ABCA12: variants seen among roughly 807,000 people sequenced by gnomAD.
ABCA12 encodes ATP binding cassette subfamily A member 12, also known as glucosylceramide transporter ABCA12.
In ABCA12, 156 loss-of-function variants were observed where a neutral mutation model predicts 293.5. The ratio of observed to expected loss-of-function variants is 0.53; its 90% CI spans 0.47 to 0.61. The LOEUF is 0.61. ABCA12 is among the 20% of genes least tolerant of loss of function. ABCA12 has a pLI of 0.00. For missense variants in ABCA12, 2,797 were observed against 3,090.2 expected (o/e 0.91, Z 2.25); for synonymous variants, 1,063 against 1,108.0 (o/e 0.96, Z 0.81).
intron 38 of ABCA12, among the ~76,000 whole-genome samples, chr2:214,967,633 G>A (rs778579499): frequency 1.2e-4 from 19 of 152,006 alleles, no homozygotes; most frequent in Non-Finnish European, 1.5e-4. Context: ...AGAGAAGAGA[G>A]GAAGAAAGAA....
At position 215,049,784 on chromosome 2, in the gene ABCA12, C is replaced by A; in HGVS notation, c.535G>T (p.Asp179Tyr). 1.2e-6 allele frequency: 2 copies of A among 1,613,258 alleles called. No individual in the cohort carries two copies. The highest frequency in any genetic ancestry group is 1.7e-6 in the Non-Finnish European group (2 of 1,179,640). Reference sequence around the variant, plus strand: ...CTGTCACATAGTTCTCTTCGTATATCTTCTGAAGTTGAATTTTGCTTTAAC... The same window carrying A: ...CTGTCACATAGTTCTCTTCGTATATATTCTGAAGTTGAATTTTGCTTTAAC... ...KLLKQNSTSEDIRRELCDSYS... is the reference protein window; with the variant it reads ...KLLKQNSTSEYIRRELCDSYS... The change falls in exon 6 of 53, where the codon GAT becomes TAT. Residue 179 changes from aspartate to tyrosine, a missense_variant. Physicochemically the swap from Asp to Tyr is radical, Grantham distance 160. Around this residue, in one of 3 missense-constraint regions of ABCA12, gnomAD observed 656 missense variants for 638.2 expected, o/e 1.03. Coordinates refer to ENST00000272895, the MANE Select transcript of ABCA12 (RefSeq NM_173076.3).
intron 2 of ABCA12, among the ~76,000 whole-genome samples, chr2:215,095,056 A>G (rs79809367): frequency 0.055 from 8,358 of 152,074 alleles, 733 homozygotes; most frequent in African/African-American, 0.19. Context: ...TGTCCCCCTC[A>G]TGACAGCAAC....
chr2:215,126,690 T>C (rs554466916), intron 1 of ABCA12, among the ~76,000 whole-genome samples: 1 of 152,168 alleles, frequency 6.6e-6, no homozygotes, highest in Non-Finnish European at 1.5e-5. Flanking sequence ...ATTTTCTCTC[T>C]TCTTTTCTTG....
intron 2 of ABCA12, among the ~76,000 whole-genome samples, chr2:215,091,841 C>T (rs191881389): frequency 6.5e-4 from 99 of 152,338 alleles, no homozygotes; most frequent in South Asian, 4.6e-3. Flanking sequence ...TCCTCCAGGA[C>T]GTCCTCCCCC....
chr2:215,073,999 C>G (rs147940405), intron 2 of ABCA12, among the ~76,000 whole-genome samples: 1 of 152,302 alleles, frequency 6.6e-6, no homozygotes, highest in East Asian at 1.9e-4. Flanking sequence ...CAGTAAAAAA[C>G]CTGAATAACT....
chr2:215,035,396 G>T (rs181387954), intron 8 of ABCA12, among the ~76,000 whole-genome samples: 1 of 152,038 alleles, frequency 6.6e-6, no homozygotes, highest in Non-Finnish European at 1.5e-5. Flanking sequence ...AAAGCCAGAC[G>T]TGGTGGCTCA....
intron 48 of ABCA12, among the ~76,000 whole-genome samples, chr2:214,947,002 G>A (rs1698601203): frequency 6.6e-6 from 1 of 152,040 alleles, no homozygotes; most frequent in South Asian, 2.1e-4. Flanking sequence ...CCTAAAATGT[G>A]TCTGTCCTCC....
chr2:215,013,378 G>A (rs1201387217), intron 15 of ABCA12, among the ~76,000 whole-genome samples: 2 of 152,184 alleles, frequency 1.3e-5, no homozygotes, highest in East Asian at 1.9e-4. Flanking sequence ...TATTTCTAAG[G>A]AAGTCAAAGA....
chr2:215,033,019 G>A (rs1700912708), intron 8 of ABCA12, among the ~76,000 whole-genome samples: 1 of 152,182 alleles, frequency 6.6e-6, no homozygotes, highest in Non-Finnish European at 1.5e-5. Context: ...ACCTGTATCA[G>A]TCATGTTTAA....
Position 214,980,503 on chromosome 2 carries a change from G to A in ABCA12, c.4720C>T (p.Leu1574Phe), listed in dbSNP as rs747853247. The A allele has an allele frequency of 5.6e-6, 9 of 1,613,778 alleles. No individual in the cohort carries two copies. In the South Asian group the frequency reaches 8.8e-5, roughly 16 times the overall value. The part of the protein sequence containing the change: ...LKEAFGDGYH[L>F]TLTKKKSPNL... ...CCTACCTTCTTCTTGGTAAGCGTGA[G>A]GTGATACCCATCGCCAAAGGCTTCC... The change falls in exon 31 of 53, where the codon CTC becomes TTC. Residue 1574 changes from leucine to phenylalanine, a missense_variant. Physicochemically the swap from Leu to Phe is conservative, Grantham distance 22 (BLOSUM62 0). Around this residue, in one of 3 missense-constraint regions of ABCA12, gnomAD observed 2,130 missense variants for 2,427.0 expected, o/e 0.88. Coordinates refer to ENST00000272895, the MANE Select transcript of ABCA12 (RefSeq NM_173076.3).
At chr2:214,971,709 T>C (rs1699389776) in intron 36 of ABCA12, among the ~76,000 whole-genome samples, 1 of 152,338 alleles carries the variant, frequency 6.6e-6, no homozygotes, top group African/African-American at 2.4e-5. Flanking sequence ...TGTGGAAATA[T>C]ATTGTATTTG....
intron 49 of ABCA12, 104 bp downstream of exon 49, chr2:214,944,897 A>ATAT (rs1698532874): frequency 1.3e-6 from 1 of 793,200 alleles, no homozygotes; most frequent in Non-Finnish European, 2.1e-6. Context: ...ACACACACAT[A>ATAT]TATATGTATG....
rs1395432638 is a variant in ABCA12 at position 215,076,725 on chromosome 2, A to G, written c.164-12506T>C. Among the ~76,000 whole-genome samples the G allele has an allele frequency of 2.0e-5, 3 of 152,230 alleles. No individual in the cohort carries two copies. In the East Asian group the frequency reaches 5.8e-4, roughly 29 times the overall value. On this transcript the variant is annotated intron_variant, in intron 2 of 52. Transcript: ENST00000272895. ...TGGTAATAAATTGAAAGTGTTCATC[A>G]AAAGACCACAGACAAATAGATTGTG...
chr2:214,978,757 A>G (rs1699579448), intron 32 of ABCA12, 47 bp downstream of exon 32: 1 of 1,576,476 alleles, frequency 6.3e-7, no homozygotes, highest in Non-Finnish European at 8.7e-7. Flanking sequence ...CAAAGGGAAC[A>G]GCAAGTTATA....
rs1489833542 is a variant in ABCA12 at position 214,986,744 on chromosome 2, G to A, written c.3977-16C>T. The A allele has an allele frequency of 1.9e-6, 3 of 1,612,718 alleles. No individual in the cohort carries two copies. Among genetic ancestry groups the A allele is most frequent in the Non-Finnish European group, 2.5e-6 (3 of 1,178,864 alleles). ...TATTCAGGACCTGGAGAGAAATCAA[G>A]GGAAGAGTTGTAAACTCACAAGTAA... On this transcript the variant is annotated splice_polypyrimidine_tract_variant and intron_variant, in intron 27 of 52. Transcript: ENST00000272895.
rs1336778748 is a variant in ABCA12, at chr2:214,990,776, T to C, written c.3550A>G (p.Ile1184Val). The change falls in exon 24 of 53, where the codon ATC (isoleucine) becomes GTC (valine). Residue 1184 changes from isoleucine (I) to valine (V), a missense_variant. Physicochemically the swap from Ile to Val is conservative, Grantham distance 29 (BLOSUM62 3). Transcript: ENST00000272895. ...IAALIGSLIY[I>V]IAFFPFIVLV... ...ACAATAAATGGAAAGAAGGCAATGA[T>C]GTAGATGAGGCTTCCGATCAGAGCT... 1.2e-6 allele frequency: 2 copies of C among 1,613,972 alleles called. No individual in the cohort carries two copies. Among genetic ancestry groups the C allele is most frequent in the African/African-American group, 2.7e-5 (2 of 74,920 alleles).
At chr2:215,107,270 G>C (rs1200918638) in intron 2 of ABCA12, among the ~76,000 whole-genome samples, 1 of 152,198 alleles carries the variant, frequency 6.6e-6, no homozygotes, top group Non-Finnish European at 1.5e-5. Flanking sequence ...GCACATTACA[G>C]CTTGGCTTAG....
intron 3 of ABCA12, among the ~76,000 whole-genome samples, chr2:215,061,077 G>A (rs368055733): frequency 1.3e-5 from 2 of 152,178 alleles, no homozygotes; most frequent in African/African-American, 4.8e-5. Flanking sequence ...CTCCCACTGT[G>A]CTGATAGATT....
At chr2:215,130,956 AG>A (rs1703041374) in intron 1 of ABCA12, among the ~76,000 whole-genome samples, 1 of 151,674 alleles carries the variant, frequency 6.6e-6, no homozygotes, top group South Asian at 2.1e-4. Context: ...TAATCACGAA[AG>A]GATGTTGGAT....
Sources: allele counts gnomAD v4.1 joint callset (sites outside exome capture counted in the v4.1 genomes callset), GRCh38; gene constraint gnomAD v4.1.1; regional missense constraint gnomAD v4.1.1; transcripts MANE v1.5; gene names NCBI Gene and HGNC (gene_info 2026-07-23, HGNC 2026-07-21).